Variants in VPS26A observed in about 807,000 individuals in gnomAD.
The protein encoded by VPS26A is VPS26 retromer complex component A.
A neutral mutation model predicts 42.4 loss-of-function variants in VPS26A; 22 were observed. The observed-to-expected ratio is 0.52, with a 90% CI of 0.37 to 0.74. The LOEUF (loss-of-function observed/expected upper bound fraction) is 0.74, where lower values mean the gene tolerates loss of function less well. VPS26A is among the 30% of genes least tolerant of loss of function. VPS26A has a pLI of 0.00. For synonymous variants in VPS26A, 110 were observed against 123.5 expected, an observed-to-expected ratio of 0.89 and a Z score of 0.73; for missense variants, 276 against 379.2, an observed-to-expected ratio of 0.73 and a Z score of 2.26.
Position 69,173,372 on chromosome 10 carries a change from A to G in VPS26A, c.*2103A>G, listed in dbSNP as rs1285531512. On this transcript the variant is annotated 3_prime_UTR_variant, in exon 9 of 9. Coordinates refer to ENST00000263559, the MANE Select transcript of VPS26A (RefSeq NM_004896.5). ...AAACAACCTCAAAAAAATACCTGTC[A>G]TCTCAGCCACTTCAGGAGTCTGAGG... is the stretch of plus-strand genomic sequence containing the variant. Among the ~76,000 whole-genome samples the G allele has an allele frequency of 3.9e-5, 6 of 152,192 alleles. No homozygotes were observed. In the East Asian group the frequency reaches 9.6e-4, roughly 24 times the overall value.
At chr10:69,154,255 G>A (rs1841381266) in intron 2 of VPS26A, among the ~76,000 whole-genome samples, 1 of 152,028 alleles carries the variant, frequency 6.6e-6, no homozygotes, top group Admixed American at 6.5e-5. Flanking sequence ...TTGTAGATCT[G>A]GCTGGGCGTG....
At chr10:69,133,308 A>C (rs1840828245) in intron 2 of VPS26A, among the ~76,000 whole-genome samples, 1 of 151,626 alleles carries the variant, frequency 6.6e-6, no homozygotes, top group Non-Finnish European at 1.5e-5. Flanking sequence ...TGGTTCATGA[A>C]AAAAAAAATA....
At chr10:69,152,439 A>G (rs1841334423) in intron 2 of VPS26A, among the ~76,000 whole-genome samples, 1 of 152,212 alleles carries the variant, frequency 6.6e-6, no homozygotes, top group Non-Finnish European at 1.5e-5. Context: ...TAAACTTTTA[A>G]TAATATTCCA....
chr10:69,154,252 T>G (rs569353501), intron 2 of VPS26A, among the ~76,000 whole-genome samples: 61 of 152,302 alleles, frequency 4.0e-4, no homozygotes, highest in African/African-American at 1.4e-3. Context: ...TCTTTGTAGA[T>G]CTGGCTGGGC....
intron 1 of VPS26A, among the ~76,000 whole-genome samples, chr10:69,126,265 C>T (rs1470189933): frequency 2.6e-5 from 4 of 151,988 alleles, no homozygotes; most frequent in African/African-American, 4.8e-5. Flanking sequence ...AGTTTGAGAC[C>T]AGCCTGGCCA....
chr10:69,162,956 C>A (rs1841592481), intron 6 of VPS26A, among the ~76,000 whole-genome samples: 1 of 150,934 alleles, frequency 6.6e-6, no homozygotes, highest in Non-Finnish European at 1.5e-5. Context: ...AAACAAAAAC[C>A]AAAACTTTCC....
At chr10:69,155,333 C>T (rs1271553877) in intron 2 of VPS26A, among the ~76,000 whole-genome samples, 4 of 152,054 alleles carry the variant, frequency 2.6e-5, no homozygotes, top group East Asian at 1.9e-4. Flanking sequence ...ATGATTTGAC[C>T]GACAAATTTC....
At chr10:69,167,123 T>C (rs1469863725) in intron 7 of VPS26A, among the ~76,000 whole-genome samples, 1 of 19,638 alleles carries the variant, frequency 5.1e-5, no homozygotes, top group African/African-American at 1.9e-4. Context: ...TGAAACTCCG[T>C]CTCAAAAAAA....
chr10:69,170,259 G>T (rs1045824166), intron 8 of VPS26A: 11 of 152,156 alleles, frequency 7.2e-5, no homozygotes, highest in African/African-American at 2.7e-4. Flanking sequence ...ACCTATTCCA[G>T]TATTGCCATC....
At chr10:69,153,329 C>G (rs1227688301) in intron 2 of VPS26A, among the ~76,000 whole-genome samples, 2 of 151,814 alleles carry the variant, frequency 1.3e-5, no homozygotes, top group East Asian at 3.9e-4. Context: ...AGATTACAGG[C>G]ATGAGCCACT....
intron 2 of VPS26A, among the ~76,000 whole-genome samples, chr10:69,154,949 T>C (rs566754837): frequency 2.3e-4 from 35 of 152,184 alleles, no homozygotes; most frequent in South Asian, 2.1e-3. Flanking sequence ...GGCAGATATA[T>C]GAGTTTAGGG....
rs1406655716 is a variant in VPS26A, at chr10:69,171,198, C to CA, written c.914dup (p.Arg306GlufsTer9). The CA allele has an allele frequency of 6.2e-7, 1 of 1,613,314 alleles. No individual in the cohort carries two copies. The highest frequency in any genetic ancestry group is 8.5e-7 in the Non-Finnish European group (1 of 1,179,882). On this transcript the variant is annotated frameshift_variant, in exon 9 of 9. Transcript: ENST00000263559. LOFTEE classifies it high-confidence loss of function. ...AAAAGCTCCTGAAAAACTGAGGAAA[C>CA]AGAGAACAAACTTTCACCAGCGATT...
chr10:69,149,717 C>A (rs1316656193), intron 2 of VPS26A, among the ~76,000 whole-genome samples: 1 of 127,678 alleles, frequency 7.8e-6, no homozygotes, highest in African/African-American at 3.3e-5. Flanking sequence ...GGAATGTTAA[C>A]TTTCTTGGTG....
chr10:69,124,379 G>T (rs906223225), intron 1 of VPS26A, 99 bp downstream of exon 1: 1 of 1,181,616 alleles, frequency 8.5e-7, no homozygotes, highest in Non-Finnish European at 1.1e-6. Flanking sequence ...AGGAGGGGAC[G>T]GGGGAGCAGG....
chr10:69,164,223 C>T (rs1841631738), intron 6 of VPS26A, among the ~76,000 whole-genome samples: 1 of 144,566 alleles, frequency 6.9e-6, no homozygotes, highest in Non-Finnish European at 1.5e-5. Context: ...CCCCCTCCAC[C>T]TTTTTTTTTT....
At chr10:69,135,369 G>T (rs546075732) in intron 2 of VPS26A, among the ~76,000 whole-genome samples, 85 of 152,264 alleles carry the variant, frequency 5.6e-4, no homozygotes, top group East Asian at 1.5e-3. Flanking sequence ...GATGTTTATG[G>T]GATAAAGGAA....
intron 2 of VPS26A, among the ~76,000 whole-genome samples, chr10:69,140,333 C>G (rs1201121202): frequency 6.6e-6 from 1 of 152,124 alleles, no homozygotes; most frequent in Non-Finnish European, 1.5e-5. Flanking sequence ...CCTGGCCTCC[C>G]AAAGTGCTGA....
chr10:69,128,134 GTTAA>G (rs1431166246), intron 1 of VPS26A, among the ~76,000 whole-genome samples: 2 of 151,452 alleles, frequency 1.3e-5, no homozygotes, highest in African/African-American at 2.4e-5. Context: ...TCATTATGGT[GTTAA>G]TTGTGAAATT....
chr10:69,166,105 TA>T lies in VPS26A; in HGVS notation c.726del (p.Gly243ValfsTer6), dbSNP rs1373382018. The T allele has an allele frequency of 6.2e-7, 1 of 1,613,780 alleles. No homozygotes were observed. Among genetic ancestry groups the T allele is most frequent in the Non-Finnish European group, 8.5e-7 (1 of 1,179,868 alleles). ...TATGAAATAATGGATGGTGCACCAG[TA>T]AAAGGTAACACACTTTTCAGTTACT... is the stretch of plus-strand genomic sequence containing the variant. Reference protein sequence around the residue: ...AKYEIMDGAPVKGESIPIRLF... With the variant: ...AKYEIMDGAPXKGESIPIRLF... On this transcript the variant is annotated frameshift_variant, in exon 7 of 9. Transcript: ENST00000263559. LOFTEE classifies it high-confidence loss of function.
Sources: allele counts gnomAD v4.1 joint callset (sites outside exome capture counted in the v4.1 genomes callset), GRCh38; gene constraint gnomAD v4.1.1; transcripts MANE v1.5; gene names NCBI Gene and HGNC (gene_info 2026-07-23, HGNC 2026-07-21).